ABHD5: variants seen among roughly 807,000 people sequenced by gnomAD.
ABHD5 encodes abhydrolase domain containing 5, lysophosphatidic acid acyltransferase.
ABHD5 carries 30 observed loss-of-function variants against 44.9 expected under a neutral mutation model. The observed-to-expected ratio is 0.67, with a 90% CI of 0.50 to 0.91. The LOEUF is 0.91. Among genes scored for constraint, ABHD5 ranks in the 40% least tolerant of loss-of-function variants. The pLI is 0.00. For missense variants in ABHD5, 399 were observed against 423.4 expected (o/e 0.94, Z 0.50); for synonymous variants, 167 against 147.0 (o/e 1.14, Z -0.99).
chr3:43,722,498 G>C lies in ABHD5; in HGVS notation c.*3966G>C, dbSNP rs1020602802. The C allele has an allele frequency of 6.6e-6, 1 of 152,142 alleles. No individual in the cohort carries two copies. Among genetic ancestry groups the C allele is most frequent in the Non-Finnish European group, 1.5e-5 (1 of 68,018 alleles). The allele number at this position is 152,142 out of a possible 1,614,324, so 9.4% of individuals were successfully genotyped here. On this transcript the variant is annotated 3_prime_UTR_variant, in exon 7 of 7. Coordinates refer to ENST00000644371, the MANE Select transcript of ABHD5 (RefSeq NM_016006.6). ...CTAGACAAGGATGGCAACTATTTCT[G>C]TATCTTACATACCTTTTATTTTGAG...
chr3:43,690,955 GC>G lies in ABHD5; in HGVS notation c.-37del, dbSNP rs780961216. On this transcript the variant is annotated 5_prime_UTR_variant, in exon 1 of 7. Transcript: ENST00000644371. ...GGCGGCCCAGTCGGCCTGTCAGCCGGCTTCGAGATAAGTCCCGGCGCTTGCG... is the reference window on the plus strand; with the variant it reads ...GGCGGCCCAGTCGGCCTGTCAGCCGGTTCGAGATAAGTCCCGGCGCTTGCG... 81 of 1,550,924 alleles carry G rather than the reference GC, an allele frequency of 5.2e-5. No individual in the cohort carries two copies. The highest frequency in any genetic ancestry group is 7.0e-5 in the Non-Finnish European group (81 of 1,153,650).
intron 7 of ABHD5, among the ~76,000 whole-genome samples, chr3:43,733,664 C>G (rs1697282768): frequency 6.6e-6 from 1 of 152,128 alleles, no homozygotes; most frequent in Non-Finnish European, 1.5e-5. Flanking sequence ...ACATTTCTCT[C>G]TTGAGGAGTA....
chr3:43,714,295 C>T (rs1223487186), intron 4 of ABHD5, among the ~76,000 whole-genome samples: 12 of 151,850 alleles, frequency 7.9e-5, no homozygotes, highest in Non-Finnish European at 1.3e-4. Flanking sequence ...CCACCACGCC[C>T]GGCTAATTTT....
At position 43,720,659 on chromosome 3, in the gene ABHD5, T is replaced by A. The variant is rs1008830834; in HGVS notation, c.*2127T>A. 1.3e-5 allele frequency: 2 copies of A among 152,214 alleles called. No homozygotes were observed. Among genetic ancestry groups the A allele is most frequent in the Admixed American group, 1.3e-4 (2 of 15,276 alleles). 9.4% of individuals were successfully genotyped at this position (152,214 alleles called of 1,614,324 possible). On this transcript the variant is annotated 3_prime_UTR_variant, in exon 7 of 7. Transcript: ENST00000644371. ...TGATCTTTGTTATGCACAGCATACTTTTATTTTACAGAATAAATTTTCCTG... is the reference window on the plus strand; with the variant it reads ...TGATCTTTGTTATGCACAGCATACTATTATTTTACAGAATAAATTTTCCTG...
At position 43,705,003 on chromosome 3, in the gene ABHD5, G is replaced by A. The variant is rs533984490; in HGVS notation, c.506+2416G>A. 2.6e-5 allele frequency among the ~76,000 whole-genome samples: 4 copies of A among 152,158 alleles called. No individual in the cohort carries two copies. The East Asian group carries it at 5.8e-4, about 22-fold the overall frequency. Reference sequence around the variant, plus strand: ...CATAAAACTTAAATTATTAAATACAGGTTAATTTCAAAATAATGATGTTTT... The same window carrying A: ...CATAAAACTTAAATTATTAAATACAAGTTAATTTCAAAATAATGATGTTTT... On this transcript the variant is annotated intron_variant, in intron 3 of 6. Transcript: ENST00000644371.
At chr3:43,711,625 C>A (rs1034883847) in intron 3 of ABHD5, 84 bp from the exon 4 acceptor site, 1 of 1,529,390 alleles carries the variant, frequency 6.5e-7, no homozygotes, top group African/African-American at 1.4e-5. Flanking sequence ...TTCATTCTAC[C>A]TTTATTTTAT....
At chr3:43,700,332 G>T (rs2084526261) in intron 2 of ABHD5, among the ~76,000 whole-genome samples, 2 of 152,044 alleles carry the variant, frequency 1.3e-5, no homozygotes, top group Non-Finnish European at 2.9e-5. Context: ...GTATCTGTGG[G>T]TGTAGTTCTA....
rs151114026 is a variant in ABHD5 at position 43,731,506 on chromosome 3, A to G, written c.*30-2374A>G. Among the ~76,000 whole-genome samples, 393 of 152,322 alleles carry G rather than the reference A, an allele frequency of 2.6e-3. 1 individual carries two copies. The highest frequency in any genetic ancestry group is 9.2e-3 in the African/African-American group (381 of 41,590). On this transcript the variant is annotated intron_variant, in intron 7 of 7. Transcript: ENST00000454293. ...ATACATAATTTTGGGGGCCCAATGC[A>G]TAATAAAAGCGTGGGGCTGCTTGTT...
intron 1 of ABHD5, among the ~76,000 whole-genome samples, chr3:43,697,605 T>G (rs2084489237): frequency 6.6e-6 from 1 of 152,206 alleles, no homozygotes; most frequent in Admixed American, 6.5e-5. Flanking sequence ...TACCTGAGAC[T>G]GGGTAATTTA....
chr3:43,719,514 T>G lies in ABHD5; in HGVS notation c.*982T>G, dbSNP rs1217522128. On this transcript the variant is annotated 3_prime_UTR_variant, in exon 7 of 7. Coordinates refer to ENST00000644371, the MANE Select transcript of ABHD5 (RefSeq NM_016006.6). ...TAAAATAGAAAAACAAGTGGTGCTA[T>G]TATGTCTCATGGCACCAGAAATGAG... 1 of 152,218 alleles carries G rather than the reference T, an allele frequency of 6.6e-6. No homozygotes were observed. Among genetic ancestry groups the G allele is most frequent in the Non-Finnish European group, 1.5e-5 (1 of 68,022 alleles). The allele number at this position is 152,218 out of a possible 1,614,324, so 9.4% of individuals were successfully genotyped here. A position where few individuals can be genotyped will look rare whatever the true frequency, so the allele number is the denominator to read the frequency against.
At chr3:43,703,652 A>G (rs1322031241) in intron 3 of ABHD5, among the ~76,000 whole-genome samples, 1 of 152,202 alleles carries the variant, frequency 6.6e-6, no homozygotes, top group African/African-American at 2.4e-5. Context: ...GTATTTTTCC[A>G]TTGGACTGAT....
rs974061868 is a variant in ABHD5, at chr3:43,719,895, G to C, written c.*1363G>C. The stretch of plus-strand genomic sequence containing the variant: ...GAGCAAATAGTGGTTTAATGGTTTT[G>C]TTATTGCATTTTTAAAATGGTTAAT... On this transcript the variant is annotated 3_prime_UTR_variant, in exon 7 of 7. Coordinates refer to ENST00000644371, the MANE Select transcript of ABHD5 (RefSeq NM_016006.6). 6.6e-5 allele frequency: 10 copies of C among 152,170 alleles called. No individual in the cohort carries two copies. Among genetic ancestry groups the C allele is most frequent in the Non-Finnish European group, 1.5e-4 (10 of 68,020 alleles). The allele number at this position is 152,170 out of a possible 1,614,324, so 9.4% of individuals were successfully genotyped here.
chr3:43,715,011 C>T lies in ABHD5; in HGVS notation c.726C>T (p.Asp242=), dbSNP rs372085621. The change falls in exon 5 of 7, where the codon GAC becomes GAT. Residue 242 remains aspartate, a synonymous_variant. Transcript: ENST00000644371. ...GAAAGTATTCTTCAATGTTCGAAGA[C>T]GATACTGTGACAGAATACATCTACC... The part of the protein sequence containing the change: ...FKRKYSSMFE[D]DTVTEYIYHC... 2.1e-4 allele frequency: 336 copies of T among 1,612,000 alleles called. No homozygotes were observed. Among genetic ancestry groups the T allele is most frequent in the Non-Finnish European group, 1.6e-4 (188 of 1,179,178 alleles).
At chr3:43,725,475 G>A (rs528397374), downstream of ABHD5, among the ~76,000 whole-genome samples, 107 of 152,316 alleles carry the variant, frequency 7.0e-4, no homozygotes, top group African/African-American at 2.5e-3. Flanking sequence ...TTTTCTAAGT[G>A]ACATGGACAA....
intron 3 of ABHD5, among the ~76,000 whole-genome samples, chr3:43,704,517 A>G (rs1172450719): frequency 3.3e-5 from 5 of 152,248 alleles, no homozygotes; most frequent in African/African-American, 1.2e-4. Flanking sequence ...TGTGGTATTT[A>G]TTCTCTGAAG....
intron 2 of ABHD5, chr3:43,699,573 T>C (rs1375460424): frequency 1.3e-5 from 7 of 532,292 alleles, no homozygotes; most frequent in Middle Eastern, 2.9e-4. Flanking sequence ...GCCCCTGTTA[T>C]ACTCTTAAAT....
In ABHD5 at chr3:43,702,247, C is replaced by A; in HGVS notation, c.166C>A (p.Arg56Ser). ...VPCTYKKEPV[R>S]ISNGNKIWTL... is the part of the protein sequence containing the mutation. ...TTGCACATACAAAAAAGAACCTGTT[C>A]GTATATCTAATGGAAATAAAATATG... Residue 56 changes from arginine to serine, a missense_variant, in exon 3 of 7, where the codon CGT becomes AGT. Coordinates refer to ENST00000644371, the MANE Select transcript of ABHD5 (RefSeq NM_016006.6). 7.5e-6 allele frequency: 12 copies of A among 1,592,066 alleles called. No homozygotes were observed. Among genetic ancestry groups the A allele is most frequent in the Non-Finnish European group, 1.0e-5 (12 of 1,166,140 alleles).
At chr3:43,715,352 G>A (rs2084750910) in intron 5 of ABHD5, among the ~76,000 whole-genome samples, 3 of 151,874 alleles carry the variant, frequency 2.0e-5, no homozygotes, top group Admixed American at 1.3e-4. Flanking sequence ...TAGTAGAGAC[G>A]GGGTTTCTCC....
At chr3:43,706,444 C>T (rs1401857936) in intron 3 of ABHD5, among the ~76,000 whole-genome samples, 2 of 150,908 alleles carry the variant, frequency 1.3e-5, no homozygotes, top group African/African-American at 2.4e-5. Context: ...TCTCTTTTTT[C>T]GATAATGGAC....
Sources: allele counts gnomAD v4.1 joint callset (sites outside exome capture counted in the v4.1 genomes callset), GRCh38; gene constraint gnomAD v4.1.1; transcripts MANE v1.5; gene names NCBI Gene and HGNC (gene_info 2026-07-23, HGNC 2026-07-21).